ZNF804A: variants seen among roughly 807,000 people sequenced by gnomAD.
ZNF804A encodes the protein zinc finger protein 804A.
ZNF804A carries 2 observed loss-of-function variants against 16.5 expected under a neutral mutation model. The observed-to-expected ratio is 0.12, with a 90% CI of 0.05 to 0.38. The LOEUF is 0.38. Ranked by LOEUF, ZNF804A falls within the 10% of genes least tolerant of loss-of-function variation. The probability of loss-of-function intolerance (pLI) is 0.99; values close to 1 mark genes in which losing one functional copy is unlikely to be tolerated. For missense variants in ZNF804A, 1,473 were observed against 1,390.7 expected, an observed-to-expected ratio of 1.06 and a Z score of -0.94; for synonymous variants, 534 against 489.6, an observed-to-expected ratio of 1.09 and a Z score of -1.20.
At chr2:184,840,507 T>C (rs1484439514) in intron 1 of ZNF804A, among the ~76,000 whole-genome samples, 1 of 152,198 alleles carries the variant, frequency 6.6e-6, no homozygotes, top group Non-Finnish European at 1.5e-5. Flanking sequence ...AAAAGCTGAA[T>C]TGAAATTGAT....
chr2:184,653,866 A>G (rs1027670625), intron 1 of ZNF804A, among the ~76,000 whole-genome samples: 2 of 152,188 alleles, frequency 1.3e-5, no homozygotes, highest in African/African-American at 4.8e-5. Flanking sequence ...TCTGATTACC[A>G]ACTTCAAGTG....
chr2:184,803,866 T>A (rs1259575312), intron 1 of ZNF804A, among the ~76,000 whole-genome samples: 1 of 149,058 alleles, frequency 6.7e-6, no homozygotes, highest in African/African-American at 2.6e-5. Flanking sequence ...GTCTTTTTTT[T>A]TGGGGGGGAG....
chr2:184,916,080 G>A (rs1685445268), intron 2 of ZNF804A, among the ~76,000 whole-genome samples: 1 of 152,150 alleles, frequency 6.6e-6, no homozygotes, highest in African/African-American at 2.4e-5. Context: ...TGATTGAGTT[G>A]TAATTCTTTC....
At chr2:184,616,234 A>G (rs1270804512) in intron 1 of ZNF804A, among the ~76,000 whole-genome samples, 2 of 152,098 alleles carry the variant, frequency 1.3e-5, no homozygotes, top group Non-Finnish European at 2.9e-5. Flanking sequence ...TTGGAACTAG[A>G]GAGACATGAG....
At chr2:184,906,760 A>C (rs1268594577) in intron 2 of ZNF804A, among the ~76,000 whole-genome samples, 1 of 152,174 alleles carries the variant, frequency 6.6e-6, no homozygotes, top group African/African-American at 2.4e-5. Flanking sequence ...TAAGATCTCA[A>C]ATCAGCTAAG....
intron 1 of ZNF804A, among the ~76,000 whole-genome samples, chr2:184,842,541 A>G (rs1255940055): frequency 6.6e-6 from 1 of 151,820 alleles, no homozygotes; most frequent in African/African-American, 2.4e-5. Context: ...AAGGAAATTT[A>G]TGATTTTAGG....
intron 2 of ZNF804A, among the ~76,000 whole-genome samples, chr2:184,875,553 C>A (rs1172009332): frequency 6.6e-6 from 1 of 152,062 alleles, no homozygotes; most frequent in Non-Finnish European, 1.5e-5. Flanking sequence ...GCCTGCAGAA[C>A]TGTGAGCCAA....
At chr2:184,701,869 T>C (rs1330426666) in intron 1 of ZNF804A, among the ~76,000 whole-genome samples, 3 of 151,976 alleles carry the variant, frequency 2.0e-5, no homozygotes, top group Non-Finnish European at 2.9e-5. Flanking sequence ...AGAATTTGTG[T>C]TTCTTGCATT....
intron 1 of ZNF804A, among the ~76,000 whole-genome samples, chr2:184,858,458 C>T (rs182725920): frequency 1.2e-4 from 18 of 149,844 alleles, no homozygotes; most frequent in Admixed American, 2.7e-4. Context: ...GAGCCGAGAT[C>T]GCGCCACTGC....
At chr2:184,750,201 T>C (rs1000809640) in intron 1 of ZNF804A, among the ~76,000 whole-genome samples, 2 of 151,388 alleles carry the variant, frequency 1.3e-5, no homozygotes, top group Non-Finnish European at 3.0e-5. Context: ...TTAAGGATTC[T>C]ATAAACCAAC....
intron 1 of ZNF804A, among the ~76,000 whole-genome samples, chr2:184,737,376 A>G (rs1693643054): frequency 6.6e-6 from 1 of 151,800 alleles, no homozygotes; most frequent in Non-Finnish European, 1.5e-5. Flanking sequence ...ACTCCTTTTT[A>G]AGCTATTTTT....
rs528841900 is a variant in ZNF804A, at chr2:184,881,295, T to A, written c.255+14783T>A. On this transcript the variant is annotated intron_variant, in intron 2 of 3. Coordinates refer to ENST00000302277, the MANE Select transcript of ZNF804A (RefSeq NM_194250.2). ...TGAAGAAACCAAGTCTGTCACTCAC[T>A]GGCGTCCCTGAAAGACAGGTAGAGA... 1.2e-4 allele frequency among the ~76,000 whole-genome samples: 19 copies of A among 152,230 alleles called. No homozygotes were observed. The East Asian group carries it at 3.7e-3, about 29-fold the overall frequency.
At chr2:184,646,608 G>C (rs1048207879) in intron 1 of ZNF804A, among the ~76,000 whole-genome samples, 2 of 152,200 alleles carry the variant, frequency 1.3e-5, no homozygotes, top group African/African-American at 4.8e-5. Context: ...TCAGCAGCCT[G>C]AGCTGCCCCA....
In ZNF804A at chr2:184,845,699, G is replaced by C. The variant is rs552337172; in HGVS notation, c.112-20670G>C. 7.9e-5 allele frequency among the ~76,000 whole-genome samples: 12 copies of C among 152,220 alleles called. No individual in the cohort carries two copies. In the South Asian group the frequency reaches 2.5e-3, roughly 32 times the overall value. On this transcript the variant is annotated intron_variant, in intron 1 of 3. Transcript: ENST00000302277. ...TTACTACTCCCATTCACATGCCAAG[G>C]ACATGAGAGACTCTTTCTCAGATCA...
intron 1 of ZNF804A, among the ~76,000 whole-genome samples, chr2:184,820,903 A>G (rs1695068599): frequency 6.6e-6 from 1 of 152,152 alleles, no homozygotes; most frequent in African/African-American, 2.4e-5. Context: ...ACCACTGCTC[A>G]ATGAAATCAG....
intron 1 of ZNF804A, among the ~76,000 whole-genome samples, chr2:184,639,751 C>T (rs546866373): frequency 1.1e-4 from 16 of 151,924 alleles, no homozygotes; most frequent in Non-Finnish European, 2.2e-4. Context: ...GCCTGTAATC[C>T]CAGCACTTTG....
chr2:184,772,643 AG>A (rs1694233535), intron 1 of ZNF804A, among the ~76,000 whole-genome samples: 1 of 151,796 alleles, frequency 6.6e-6, no homozygotes, highest in East Asian at 2.0e-4. Flanking sequence ...TACCTAGAAA[AG>A]GAATTTCTGG....
chr2:184,861,263 T>C (rs1191212625), intron 1 of ZNF804A, among the ~76,000 whole-genome samples: 1 of 152,162 alleles, frequency 6.6e-6, no homozygotes. Context: ...GGTGGAAGGG[T>C]GACATAGGTA....
intron 1 of ZNF804A, among the ~76,000 whole-genome samples, chr2:184,803,414 C>T (rs1256644817): frequency 6.6e-6 from 1 of 152,036 alleles, no homozygotes; most frequent in Non-Finnish European, 1.5e-5. Context: ...TTTTTTCTAA[C>T]TTTTTTTAAT....
Sources: gnomAD v4.1 joint callset for allele counts (sites outside exome capture counted in the v4.1 genomes callset) on GRCh38, gnomAD v4.1.1 for gene constraint, MANE v1.5 for transcripts, NCBI Gene and HGNC (gene_info 2026-07-23, HGNC 2026-07-21) for gene names.